The following CLSTN2 variants were observed in gnomAD, a reference collection of about 807,000 sequenced individuals.
CLSTN2 encodes the protein calsyntenin 2, also known as calsyntenin-2.
In CLSTN2, 48 loss-of-function variants were observed where a neutral mutation model predicts 101.2. That is an observed-to-expected ratio of 0.47 (90% confidence interval 0.38 to 0.60). The LOEUF is 0.60. CLSTN2 is among the 20% of genes least tolerant of loss of function. The pLI is 0.00. For synonymous variants in CLSTN2, 481 were observed against 463.6 expected, an observed-to-expected ratio of 1.04 and a Z score of -0.48; for missense variants, 1,160 against 1,238.2, an observed-to-expected ratio of 0.94 and a Z score of 0.95.
chr3:140,568,069 G>A lies in CLSTN2; in HGVS notation c.*1816G>A, dbSNP rs936331850. 5.3e-5 allele frequency: 8 copies of A among 152,314 alleles called. No homozygotes were observed. In the East Asian group the frequency reaches 5.8e-4, roughly 11 times the overall value. 9.4% of individuals were successfully genotyped at this position (152,314 alleles called of 1,614,324 possible). A position where few individuals can be genotyped will look rare whatever the true frequency, so the allele number is the denominator to read the frequency against. ...TTTGTGATGAGTAAACTGAGGCTTC[G>A]TGATTCAATGTCTTGTTCAGAGTCA... On this transcript the variant is annotated 3_prime_UTR_variant, in exon 17 of 17. Coordinates refer to ENST00000458420, the MANE Select transcript of CLSTN2 (RefSeq NM_022131.3).
At chr3:140,302,331 G>A (rs913585228) in intron 2 of CLSTN2, among the ~76,000 whole-genome samples, 20 of 152,148 alleles carry the variant, frequency 1.3e-4, no homozygotes, top group African/African-American at 4.6e-4. Context: ...CCATATTTAT[G>A]AACTACATAG....
rs753704000 is a variant in CLSTN2, at chr3:140,563,997, C to T, written c.2519C>T (p.Ser840Phe). The T allele has an allele frequency of 1.2e-6, 2 of 1,614,174 alleles. No individual in the cohort carries two copies. The highest frequency in any genetic ancestry group is 2.2e-5 in the East Asian group (1 of 44,886). ...ATTGCCACAGTGGTCATCATCATCT[C>T]CGTGTGCATGCTTGTGTTTGTCGTG... is the stretch of plus-strand genomic sequence containing the variant. The part of the protein sequence containing the change: ...PSIATVVIII[S>F]VCMLVFVVAM... The change falls in exon 16 of 17, where the codon TCC becomes TTC. Residue 840 changes from serine to phenylalanine, a missense_variant. Physicochemically the swap from Ser to Phe is radical, Grantham distance 155 (BLOSUM62 -2). Transcript: ENST00000458420.
intron 1 of CLSTN2, among the ~76,000 whole-genome samples, chr3:140,102,176 G>T (rs568860208): frequency 6.6e-6 from 1 of 152,210 alleles, no homozygotes; most frequent in African/African-American, 2.4e-5. Flanking sequence ...CCAATCATTC[G>T]TGATAAGGAA....
intron 2 of CLSTN2, among the ~76,000 whole-genome samples, chr3:140,340,377 A>G (rs934709850): frequency 2.6e-5 from 4 of 152,268 alleles, no homozygotes; most frequent in Non-Finnish European, 5.9e-5. Flanking sequence ...ACATAAGTGT[A>G]GAATAACCTT....
intron 2 of CLSTN2, among the ~76,000 whole-genome samples, chr3:140,260,908 G>A (rs117070160): frequency 1.3e-5 from 2 of 152,198 alleles, no homozygotes; most frequent in East Asian, 1.9e-4. Context: ...TTATCTGATA[G>A]TTTTTCTCAT....
chr3:140,459,253 A>G (rs1933495196), intron 6 of CLSTN2, among the ~76,000 whole-genome samples: 1 of 152,168 alleles, frequency 6.6e-6, no homozygotes, highest in South Asian at 2.1e-4. Context: ...CCAACTTTCT[A>G]AATTCCTCCG....
intron 2 of CLSTN2, among the ~76,000 whole-genome samples, chr3:140,336,894 G>T (rs148400464): frequency 3.9e-5 from 6 of 152,220 alleles, no homozygotes; most frequent in Admixed American, 1.3e-4. Context: ...AGGGGCTAAT[G>T]GTTCTCATTG....
At chr3:139,956,896 C>T (rs1469362376) in intron 1 of CLSTN2, among the ~76,000 whole-genome samples, 1 of 152,116 alleles carries the variant, frequency 6.6e-6, no homozygotes, top group Non-Finnish European at 1.5e-5. Context: ...TTAACTTTAC[C>T]AAGGCTGTGT....
At chr3:140,473,773 T>A (rs1933909164) in intron 8 of CLSTN2, among the ~76,000 whole-genome samples, 1 of 152,092 alleles carries the variant, frequency 6.6e-6, no homozygotes, top group Non-Finnish European at 1.5e-5. Flanking sequence ...TGTTTGTTTT[T>A]TTGAGACAGA....
intron 2 of CLSTN2, among the ~76,000 whole-genome samples, chr3:140,305,527 G>T (rs2087105578): frequency 6.6e-6 from 1 of 152,124 alleles, no homozygotes; most frequent in Non-Finnish European, 1.5e-5. Flanking sequence ...AGCAGAACGT[G>T]CTCAGGCAGA....
chr3:140,182,646 C>T (rs2010427694), intron 2 of CLSTN2, among the ~76,000 whole-genome samples: 1 of 152,212 alleles, frequency 6.6e-6, no homozygotes, highest in Non-Finnish European at 1.5e-5. Context: ...AGTCATGAGG[C>T]TTCAGCCAAA....
intron 2 of CLSTN2, among the ~76,000 whole-genome samples, chr3:140,304,350 A>G (rs1292693819): frequency 6.6e-6 from 1 of 152,224 alleles, no homozygotes; most frequent in Non-Finnish European, 1.5e-5. Flanking sequence ...AACAATAGGA[A>G]TTTATTTCTC....
chr3:140,541,967 G>T (rs1935488999), intron 9 of CLSTN2, among the ~76,000 whole-genome samples: 1 of 152,122 alleles, frequency 6.6e-6, no homozygotes, highest in Non-Finnish European at 1.5e-5. Context: ...TGAGCTAGAA[G>T]CCAGGGTGTA....
chr3:140,446,686 A>T (rs910278685), intron 5 of CLSTN2, among the ~76,000 whole-genome samples: 1 of 152,092 alleles, frequency 6.6e-6, no homozygotes, highest in African/African-American at 2.4e-5. Context: ...CTGCTCAAGA[A>T]CTTCCTGACC....
intron 2 of CLSTN2, among the ~76,000 whole-genome samples, chr3:140,231,463 C>T (rs1490713372): frequency 1.4e-4 from 22 of 152,300 alleles, no homozygotes; most frequent in Admixed American, 1.4e-3. Context: ...GGAAAACACA[C>T]AAGGGGAGAC....
In CLSTN2 at chr3:140,049,560, G is replaced by A. The variant is rs547360946; in HGVS notation, c.109+114077G>A. ...CCAGTACTGGGGCTGACACACATGA[G>A]CAATGAGGCCAGGTGGGGTTGTCCA... On this transcript the variant is annotated intron_variant, in intron 1 of 16. Coordinates refer to ENST00000458420, the MANE Select transcript of CLSTN2 (RefSeq NM_022131.3). Among the ~76,000 whole-genome samples, 4 of 152,288 alleles carry A rather than the reference G, an allele frequency of 2.6e-5. No individual in the cohort carries two copies. The East Asian group carries it at 7.7e-4, about 29-fold the overall frequency.
chr3:140,294,077 C>A (rs1164065723), intron 2 of CLSTN2, among the ~76,000 whole-genome samples: 1 of 152,160 alleles, frequency 6.6e-6, no homozygotes, highest in Non-Finnish European at 1.5e-5. Flanking sequence ...TCTAAGATAC[C>A]TTTTAACATA....
intron 8 of CLSTN2, among the ~76,000 whole-genome samples, chr3:140,521,068 A>G (rs1576609884): frequency 9.4e-6 from 1 of 105,986 alleles, no homozygotes; most frequent in Non-Finnish European, 1.9e-5. Flanking sequence ...TTTTTTTTGC[A>G]TTGAGTTACA....
At chr3:140,271,539 G>A (rs188392489) in intron 2 of CLSTN2, among the ~76,000 whole-genome samples, 1 of 152,254 alleles carries the variant, frequency 6.6e-6, no homozygotes, top group African/African-American at 2.4e-5. Flanking sequence ...CTTATAGATG[G>A]CACCTGCTGT....
Sources: gnomAD v4.1 joint callset for allele counts (sites outside exome capture counted in the v4.1 genomes callset) on GRCh38, gnomAD v4.1.1 for gene constraint, MANE v1.5 for transcripts, NCBI Gene and HGNC (gene_info 2026-07-23, HGNC 2026-07-21) for gene names.